SMYD1: variants seen among roughly 807,000 people sequenced by gnomAD.
The protein encoded by SMYD1 is SET and MYND domain containing 1.
SMYD1 carries 49 observed loss-of-function variants against 54.0 expected under a neutral mutation model. The observed-to-expected ratio is 0.91, with a 90% CI of 0.72 to 1.15. SMYD1 has a LOEUF of 1.15. Among genes scored for constraint, SMYD1 ranks in the 50% most tolerant of loss-of-function variants. The probability of loss-of-function intolerance (pLI) is 0.00; values close to 1 mark genes in which losing one functional copy is unlikely to be tolerated. For synonymous variants in SMYD1, 269 were observed against 234.2 expected (o/e 1.15, Z -1.36); for missense variants, 653 against 639.6 (o/e 1.02, Z -0.23).
At position 88,110,446 on chromosome 2, in the gene SMYD1, G is replaced by A; in HGVS notation, c.1407G>A (p.Gln469=). The A allele has an allele frequency of 6.2e-7, 1 of 1,607,932 alleles. No homozygotes were observed. Among genetic ancestry groups the A allele is most frequent in the Non-Finnish European group, 8.5e-7 (1 of 1,177,058 alleles). ...TGCGCGAGGCTGCCCTGAACAACCA[G>A]CCCATGCAGGTCATGGCCGAGCCCA... The part of the protein sequence containing the change: ...YKMREAALNN[Q]PMQVMAEPSN... The change falls in exon 10 of 10, where the codon CAG becomes CAA. Residue 469 remains glutamine, a synonymous_variant. Transcript: ENST00000419482.
At chr2:88,068,229 G>T (rs1030451730) in intron 1 of SMYD1, among the ~76,000 whole-genome samples, 4 of 152,178 alleles carry the variant, frequency 2.6e-5, no homozygotes, top group African/African-American at 9.6e-5. Context: ...GTGAGCAAAG[G>T]CTTCGGGGGC....
At chr2:88,104,258 G>A (rs538811053) in intron 7 of SMYD1, among the ~76,000 whole-genome samples, 12 of 152,224 alleles carry the variant, frequency 7.9e-5, no homozygotes, top group South Asian at 6.2e-4. Flanking sequence ...GAGCCACTGC[G>A]CCTGGCCTCA....
In SMYD1 at chr2:88,113,245, G is replaced by A. The variant is rs1675070571; in HGVS notation, c.*2733G>A. The A allele has an allele frequency of 6.6e-6, 1 of 152,180 alleles. No homozygotes were observed. Among genetic ancestry groups the A allele is most frequent in the African/African-American group, 2.4e-5 (1 of 41,442 alleles). The allele number at this position is 152,180 out of a possible 1,614,324, so 9.4% of individuals were successfully genotyped here. ...AATGTGGTAGGTGCTCAGTAAATGT[G>A]TGTTGAATAAATGAATGAATGAATG... is the stretch of plus-strand genomic sequence containing the variant. On this transcript the variant is annotated 3_prime_UTR_variant, in exon 10 of 10. Transcript: ENST00000419482.
chr2:88,110,200 A>AGAGAGTGTGTGT (rs139694354), intron 9 of SMYD1, among the ~76,000 whole-genome samples, 154 bp from the exon 10 acceptor site: 27 of 139,088 alleles, frequency 1.9e-4, no homozygotes, highest in Admixed American at 1.1e-3. Context: ...TTGATGAATG[A>AGAGAGTGTGTGT]GTGTGTGTGT....
intron 1 of SMYD1, among the ~76,000 whole-genome samples, chr2:88,079,288 T>C (rs149225195): frequency 1.1e-3 from 167 of 152,310 alleles, no homozygotes; most frequent in African/African-American, 3.8e-3. Flanking sequence ...GCCACTGGAA[T>C]TTATTCTTAG....
intron 1 of SMYD1, among the ~76,000 whole-genome samples, chr2:88,083,406 A>T (rs1293655652): frequency 2.0e-5 from 3 of 152,054 alleles, no homozygotes; most frequent in African/African-American, 7.2e-5. Flanking sequence ...TCTAATGGGA[A>T]CACTAAGAGG....
intron 7 of SMYD1, among the ~76,000 whole-genome samples, chr2:88,104,526 TCTC>T (rs1182854074): frequency 2.6e-5 from 4 of 152,308 alleles, no homozygotes; most frequent in Middle Eastern, 6.8e-3. Flanking sequence ...GTTCGTTTCT[TCTC>T]CTTCTCCATT....
At chr2:88,075,322 G>A (rs1323836236) in intron 1 of SMYD1, among the ~76,000 whole-genome samples, 1 of 152,114 alleles carries the variant, frequency 6.6e-6, no homozygotes, top group Non-Finnish European at 1.5e-5. Context: ...CCATAATGAT[G>A]CTATCTTTAC....
In SMYD1 at chr2:88,091,071, C is replaced by G; in HGVS notation, c.588C>G (p.Gly196=). Residue 196 remains glycine, a synonymous_variant, in exon 4 of 10, where the codon GGC becomes GGG. Transcript: ENST00000419482. ...DQRGLQAVGV[G]IFPNLGLVNH... ...GAGGCCTGCAGGCCGTGGGCGTAGGCATCTTCCCCAACCTGGGCCTGGTGA... is the reference window on the plus strand; with the variant it reads ...GAGGCCTGCAGGCCGTGGGCGTAGGGATCTTCCCCAACCTGGGCCTGGTGA... The G allele has an allele frequency of 3.1e-6, 5 of 1,614,156 alleles. No individual in the cohort carries two copies. The highest frequency in any genetic ancestry group is 3.4e-6 in the Non-Finnish European group (4 of 1,180,016).
At chr2:88,070,363 C>A (rs965074113) in intron 1 of SMYD1, among the ~76,000 whole-genome samples, 7 of 152,184 alleles carry the variant, frequency 4.6e-5, no homozygotes, top group Non-Finnish European at 7.3e-5. Context: ...GCAAGACAGG[C>A]TTTCCTACTC....
At chr2:88,071,553 C>G (rs1273643997) in intron 1 of SMYD1, among the ~76,000 whole-genome samples, 2 of 152,166 alleles carry the variant, frequency 1.3e-5, no homozygotes, top group Non-Finnish European at 1.5e-5. Context: ...CTAGGCATGA[C>G]TAATCAATCA....
intron 3 of SMYD1, among the ~76,000 whole-genome samples, chr2:88,090,325 G>A (rs535289565): frequency 7.2e-5 from 11 of 152,250 alleles, no homozygotes; most frequent in East Asian, 3.9e-4. Flanking sequence ...TGTATTCTAC[G>A]TTATATTTAT....
Position 88,112,041 on chromosome 2 carries a change from C to G in SMYD1, c.*1529C>G, listed in dbSNP as rs1192580768. 10 of 702,884 alleles carry G rather than the reference C, an allele frequency of 1.4e-5. 1 individual carries two copies. The East Asian group carries it at 2.4e-4, about 17-fold the overall frequency. 43.5% of individuals were successfully genotyped at this position (702,884 alleles called of 1,614,324 possible). A position where few individuals can be genotyped will look rare whatever the true frequency, so the allele number is the denominator to read the frequency against. On this transcript the variant is annotated 3_prime_UTR_variant, in exon 10 of 10. Coordinates refer to ENST00000419482, the MANE Select transcript of SMYD1 (RefSeq NM_198274.4). ...CTGAAAACTCTGCAAATGGGCCACA[C>G]TTTTGCAAAATACTTGTATCTGACA... is the stretch of plus-strand genomic sequence containing the variant.
At chr2:88,094,978 C>T (rs921292040) in intron 5 of SMYD1, among the ~76,000 whole-genome samples, 2 of 152,098 alleles carry the variant, frequency 1.3e-5, no homozygotes, top group African/African-American at 4.8e-5. Flanking sequence ...GCATTGAAGA[C>T]CCAGGAAGCA....
chr2:88,093,521 G>A lies in SMYD1; in HGVS notation c.664G>A (p.Glu222Lys). 1 of 1,614,080 alleles carries A rather than the reference G, an allele frequency of 6.2e-7. No homozygotes were observed. The highest frequency in any genetic ancestry group is 1.6e-4 in the Middle Eastern group (1 of 6,062). Reference protein sequence around the residue: ...CTVIFNNGNHEAVKSMFHTQM... With the variant: ...CTVIFNNGNHKAVKSMFHTQM... ...GGTGTCTGTTTTGTCTTTCAGTCAT[G>A]AGGCAGTGAAATCCATGTTTCATAC... Residue 222 changes from glutamate (E) to lysine (K), a missense_variant, in exon 5 of 10, where the codon GAG (glutamate) becomes AAG (lysine). Transcript: ENST00000419482.
In SMYD1 at chr2:88,091,152, T is replaced by C; in HGVS notation, c.659+10T>C. On this transcript the variant is annotated intron_variant, in intron 4 of 9. Coordinates refer to ENST00000419482, the MANE Select transcript of SMYD1 (RefSeq NM_198274.4). Reference sequence around the variant, plus strand: ...TATTTAACAATGGCAAGTGAGTATGTCTTTATGTGGGGGTGTGTGTGAAGG... The same window carrying C: ...TATTTAACAATGGCAAGTGAGTATGCCTTTATGTGGGGGTGTGTGTGAAGG... 6.2e-7 allele frequency: 1 copy of C among 1,613,184 alleles called. No individual in the cohort carries two copies. Among genetic ancestry groups the C allele is most frequent in the Non-Finnish European group, 8.5e-7 (1 of 1,179,300 alleles).
intron 1 of SMYD1, among the ~76,000 whole-genome samples, chr2:88,070,692 C>T (rs1573098737): frequency 6.6e-6 from 1 of 151,548 alleles, no homozygotes; most frequent in African/African-American, 2.4e-5. Flanking sequence ...GTCTGTATTC[C>T]CAGCACTTTG....
intron 1 of SMYD1, among the ~76,000 whole-genome samples, chr2:88,081,345 GACAA>G (rs754457785): frequency 7.9e-5 from 12 of 152,042 alleles, no homozygotes; most frequent in Non-Finnish European, 1.2e-4. Context: ...ATTCTGTCTA[GACAA>G]ACAGAGTGGA....
intron 5 of SMYD1, among the ~76,000 whole-genome samples, chr2:88,093,835 CA>C (rs1439340071): frequency 6.6e-6 from 1 of 152,124 alleles, no homozygotes; most frequent in African/African-American, 2.4e-5. Flanking sequence ...CCTTGTAGTC[CA>C]CATCGTCTTA....
Sources: gnomAD v4.1 joint callset for allele counts (sites outside exome capture counted in the v4.1 genomes callset) on GRCh38, gnomAD v4.1.1 for gene constraint, MANE v1.5 for transcripts, NCBI Gene and HGNC (gene_info 2026-07-23, HGNC 2026-07-21) for gene names.